Variants in C12orf42 observed in about 807,000 individuals in gnomAD.
C12orf42 encodes chromosome 12 open reading frame 42.
C12orf42 carries 25 observed loss-of-function variants against 21.6 expected under a neutral mutation model. That is an observed-to-expected ratio of 1.16 (90% CI 0.84 to 1.62). The LOEUF is 1.62. C12orf42 is among the 40% of genes most tolerant of loss of function. The pLI is 0.00. For missense variants in C12orf42, 483 were observed against 459.3 expected (o/e 1.05, Z -0.47); for synonymous variants, 174 against 175.0 (o/e 0.99, Z 0.05).
At chr12:103,162,898 A>G in the C12orf42 span, 6 of 152,202 alleles carry the variant, frequency 3.9e-5, no homozygotes, top group African/African-American at 1.2e-4. Flanking sequence ...ATTTGGAAAC[A>G]CAGCCTTCTG....
intron 2 of C12orf42, among the ~76,000 whole-genome samples, chr12:103,405,597 G>C (rs1021678605): frequency 6.6e-6 from 1 of 152,100 alleles, no homozygotes; most frequent in Non-Finnish European, 1.5e-5. Flanking sequence ...GCACTCGAGG[G>C]TTAGTAACCA....
At chr12:103,325,074 C>T (rs755208587) in intron 4 of C12orf42, among the ~76,000 whole-genome samples, 42 of 152,238 alleles carry the variant, frequency 2.8e-4, no homozygotes, top group Non-Finnish European at 5.6e-4. Flanking sequence ...AAACAGTTGG[C>T]GCCTGTGTTG....
At chr12:103,110,007 A>G in the C12orf42 span, among the ~76,000 whole-genome samples, 1 of 152,120 alleles carries the variant, frequency 6.6e-6, no homozygotes, top group African/African-American at 2.4e-5. Flanking sequence ...TATAAAAATA[A>G]AAGTCTGGGC....
intron 2 of C12orf42, among the ~76,000 whole-genome samples, chr12:103,415,301 G>A (rs969720978): frequency 3.9e-5 from 6 of 152,114 alleles, no homozygotes; most frequent in African/African-American, 1.4e-4. Context: ...CCTAAGAAAT[G>A]ACTTAGAAAA....
chr12:103,512,485 A>G, the C12orf42 span, among the ~76,000 whole-genome samples: 174 of 152,386 alleles, frequency 1.1e-3, no homozygotes, highest in African/African-American at 4.1e-3. Context: ...TCTGACACAT[A>G]GAAATGATAT....
chr12:103,252,765 C>T (rs2034373317), intron 10 of C12orf42, among the ~76,000 whole-genome samples: 1 of 152,180 alleles, frequency 6.6e-6, no homozygotes, highest in African/African-American at 2.4e-5. Context: ...CCTGTTCACT[C>T]TGATGATCGG....
the C12orf42 span, among the ~76,000 whole-genome samples, chr12:103,544,122 A>G: frequency 0.28 from 43,244 of 151,934 alleles, 7,434 homozygotes; most frequent in African/African-American, 0.47. Flanking sequence ...AGTTGGTCTC[A>G]ATCACCCACC....
At chr12:103,122,876 G>T in the C12orf42 span, among the ~76,000 whole-genome samples, 5 of 152,170 alleles carry the variant, frequency 3.3e-5, no homozygotes, top group South Asian at 1.0e-3. Context: ...CATCCTAGCA[G>T]GATATCAGTC....
chr12:103,173,312 T>A, the C12orf42 span, among the ~76,000 whole-genome samples: 1 of 152,278 alleles, frequency 6.6e-6, no homozygotes, highest in South Asian at 2.1e-4. Context: ...TGAGTTCACA[T>A]GGGAAAGCAG....
the C12orf42 span, among the ~76,000 whole-genome samples, chr12:103,149,540 G>C: frequency 6.6e-5 from 10 of 151,792 alleles, no homozygotes; most frequent in Admixed American, 2.0e-4. Flanking sequence ...CAGGTGTTAA[G>C]TGAGACACTT....
the C12orf42 span, among the ~76,000 whole-genome samples, chr12:103,049,231 C>A: frequency 6.6e-6 from 1 of 152,130 alleles, no homozygotes; most frequent in African/African-American, 2.4e-5. Flanking sequence ...CTTCCAAATC[C>A]GCTCCTCTCA....
intron 3 of C12orf42, among the ~76,000 whole-genome samples, chr12:103,372,247 A>T (rs1052110619): frequency 1.3e-5 from 2 of 152,036 alleles, no homozygotes; most frequent in African/African-American, 4.8e-5. Flanking sequence ...TTCTCACATT[A>T]TCTTTCTAAA....
chr12:103,175,857 T>C, the C12orf42 span, among the ~76,000 whole-genome samples: 3 of 152,022 alleles, frequency 2.0e-5, no homozygotes, highest in Non-Finnish European at 1.5e-5. Context: ...AATAAGTACA[T>C]ACTGAGATGA....
At chr12:103,217,889 G>A in the C12orf42 span, among the ~76,000 whole-genome samples, 1 of 152,190 alleles carries the variant, frequency 6.6e-6, no homozygotes, top group East Asian at 1.9e-4. Flanking sequence ...TCTTATCAGA[G>A]CCCCTGGTTA....
chr12:103,314,520 T>C (rs1225618158), intron 4 of C12orf42, among the ~76,000 whole-genome samples: 1 of 152,198 alleles, frequency 6.6e-6, no homozygotes, highest in African/African-American at 2.4e-5. Flanking sequence ...AATAAAAATC[T>C]TCTGGGGACC....
intron 3 of C12orf42, among the ~76,000 whole-genome samples, chr12:103,399,730 T>G (rs759879847): frequency 1.3e-5 from 2 of 152,180 alleles, no homozygotes; most frequent in Non-Finnish European, 2.9e-5. Flanking sequence ...AAGCAAAGAC[T>G]TTTTTCTTTA....
the C12orf42 span, among the ~76,000 whole-genome samples, chr12:103,098,515 C>T: frequency 6.6e-6 from 1 of 152,084 alleles, no homozygotes; most frequent in Non-Finnish European, 1.5e-5. Flanking sequence ...ACTGCAAAAA[C>T]AATTCAAAGT....
chr12:103,299,716 C>G (rs76938593), downstream of C12orf42, among the ~76,000 whole-genome samples: 929 of 152,288 alleles, frequency 6.1e-3, 6 homozygotes, highest in African/African-American at 0.021. Context: ...TCAGTTATTA[C>G]TGTTTAATTT....
the C12orf42 span, among the ~76,000 whole-genome samples, chr12:103,527,559 C>T: frequency 5.3e-5 from 8 of 152,164 alleles, no homozygotes; most frequent in Non-Finnish European, 2.9e-5. Flanking sequence ...TTCATGCTAT[C>T]ATGAGTAGGT....
Sources: gnomAD v4.1 joint callset for allele counts (sites outside exome capture counted in the v4.1 genomes callset) on GRCh38, gnomAD v4.1.1 for gene constraint, MANE v1.5 for transcripts, NCBI Gene and HGNC (gene_info 2026-07-23, HGNC 2026-07-21) for gene names.